The following MEI4 variants were observed in gnomAD, a reference collection of about 807,000 sequenced individuals.
The protein encoded by MEI4 is meiosis-specific protein MEI4.
MEI4 carries 27 observed loss-of-function variants against 31.4 expected under a neutral mutation model. The ratio of observed to expected loss-of-function variants is 0.86; its 90% CI spans 0.63 to 1.19. The LOEUF is 1.19. MEI4 is among the 50% of genes most tolerant of loss of function. The pLI is 0.00. For synonymous variants in MEI4, 122 were observed against 145.4 expected (o/e 0.84, Z 1.16); for missense variants, 329 against 398.9 (o/e 0.82, Z 1.49).
intron 4 of MEI4, among the ~76,000 whole-genome samples, chr6:77,911,580 CATTA>C (rs1269565825): frequency 1.3e-5 from 2 of 151,798 alleles, no homozygotes; most frequent in Non-Finnish European, 2.9e-5. Context: ...TCTGTTCCTG[CATTA>C]ATTAATTTGC....
chr6:77,677,804 T>A (rs1348035034), intron 1 of MEI4, among the ~76,000 whole-genome samples: 2 of 152,222 alleles, frequency 1.3e-5, no homozygotes, highest in East Asian at 3.8e-4. Flanking sequence ...GTTTTTATTA[T>A]AAGAATATCT....
chr6:77,844,196 C>T (rs1770426058), intron 4 of MEI4, among the ~76,000 whole-genome samples: 1 of 152,060 alleles, frequency 6.6e-6, no homozygotes, highest in Non-Finnish European at 1.5e-5. Flanking sequence ...ATTAGAATGA[C>T]TCATGAATCT....
chr6:77,652,843 A>G (rs1280894396), upstream of MEI4, among the ~76,000 whole-genome samples: 1 of 152,194 alleles, frequency 6.6e-6, no homozygotes, highest in Non-Finnish European at 1.5e-5. Flanking sequence ...ACATCAAACA[A>G]CTGACTACAT....
rs1368782699 is a variant in MEI4, at chr6:77,761,465, T to C, written c.568T>C (p.Leu190=). The C allele has an allele frequency of 4.1e-6, 5 of 1,232,038 alleles. No homozygotes were observed. The African/African-American group carries it at 6.2e-5, about 15-fold the overall frequency. The allele number at this position is 1,232,038 out of a possible 1,614,324, so 76.3% of individuals were successfully genotyped here. A position where few individuals can be genotyped will look rare whatever the true frequency, so the allele number is the denominator to read the frequency against. ...CACAGTCTCTGATTCTGTTTTTCAA[T>C]TGCTGGATGGCCTGATCACTTTTTA... ...SSTVSDSVFQ[L]LDGLITFYRN... is the part of the protein sequence containing the mutation. The change falls in exon 3 of 5, where the codon TTG becomes CTG. Residue 190 remains leucine (L), a synonymous_variant. Coordinates refer to ENST00000684080, the MANE Select transcript of MEI4 (RefSeq NM_001322247.2).
intron 4 of MEI4, among the ~76,000 whole-genome samples, chr6:77,872,945 G>A (rs1771234972): frequency 1.3e-5 from 2 of 151,262 alleles, no homozygotes; most frequent in South Asian, 2.1e-4. Context: ...ATTCCATGGT[G>A]TATATGTGCC....
At chr6:77,791,124 C>T (rs545281303) in intron 3 of MEI4, among the ~76,000 whole-genome samples, 4 of 152,028 alleles carry the variant, frequency 2.6e-5, no homozygotes, top group Admixed American at 1.3e-4. Flanking sequence ...GTCAGTGTGG[C>T]GATTCCTCAG....
At chr6:77,915,055 A>G (rs532771419) in intron 4 of MEI4, among the ~76,000 whole-genome samples, 1 of 152,084 alleles carries the variant, frequency 6.6e-6, no homozygotes, top group South Asian at 2.1e-4. Context: ...TTTATATTCA[A>G]GGTTGTTATT....
intron 2 of MEI4, among the ~76,000 whole-genome samples, chr6:77,739,873 TTC>T (rs1305913730): frequency 6.6e-6 from 1 of 152,216 alleles, no homozygotes; most frequent in African/African-American, 2.4e-5. Context: ...GGTTCTCTAA[TTC>T]TGTTAGTTTT....
rs1394390676 is a variant in MEI4 at position 77,926,989 on chromosome 6, A to C, written c.*3643A>C. The C allele has an allele frequency of 6.6e-6, 1 of 151,866 alleles. No homozygotes were observed. Among genetic ancestry groups the C allele is most frequent in the African/African-American group, 2.4e-5 (1 of 41,428 alleles). The allele number at this position is 151,866 out of a possible 1,614,324, so 9.4% of individuals were successfully genotyped here. A position where few individuals can be genotyped will look rare whatever the true frequency, so the allele number is the denominator to read the frequency against. On this transcript the variant is annotated 3_prime_UTR_variant, in exon 5 of 5. Coordinates refer to ENST00000684080, the MANE Select transcript of MEI4 (RefSeq NM_001322247.2). The stretch of plus-strand genomic sequence containing the variant: ...TACTGGTCTTGTAAGAACTTTCTAA[A>C]TATTACAGAGTATTACAAACATAAA...
intron 2 of MEI4, among the ~76,000 whole-genome samples, chr6:77,746,776 AAGAG>A (rs1208776635): frequency 2.6e-5 from 4 of 151,980 alleles, no homozygotes; most frequent in Non-Finnish European, 5.9e-5. Context: ...TGGAGGGTAA[AAGAG>A]AGAAAGGAGC....
At chr6:77,804,109 G>T (rs894325075) in intron 3 of MEI4, among the ~76,000 whole-genome samples, 16 of 152,184 alleles carry the variant, frequency 1.1e-4, no homozygotes, top group Non-Finnish European at 1.9e-4. Context: ...TTGAGGTGCG[G>T]TGGGCTCCAC....
chr6:77,734,287 C>T (rs1029115009), intron 2 of MEI4, among the ~76,000 whole-genome samples: 7 of 151,382 alleles, frequency 4.6e-5, no homozygotes, highest in Non-Finnish European at 7.3e-5. Context: ...TCACTCAGGG[C>T]TTGCTTTATG....
chr6:77,926,166 T>C lies in MEI4; in HGVS notation c.*2820T>C, dbSNP rs1283877906. 1.3e-5 allele frequency: 2 copies of C among 151,998 alleles called. No homozygotes were observed. Among genetic ancestry groups the C allele is most frequent in the Non-Finnish European group, 2.9e-5 (2 of 67,956 alleles). The allele number at this position is 151,998 out of a possible 1,614,324, so 9.4% of individuals were successfully genotyped here. A position where few individuals can be genotyped will look rare whatever the true frequency, so the allele number is the denominator to read the frequency against. ...AAACACAGCTTCTTTGCAATTGTCA[T>C]CAAAGCTTTATACATGCTTAACTAT... On this transcript the variant is annotated 3_prime_UTR_variant, in exon 5 of 5. Transcript: ENST00000684080.
At chr6:77,814,526 A>G (rs903748967) in intron 3 of MEI4, among the ~76,000 whole-genome samples, 10 of 152,128 alleles carry the variant, frequency 6.6e-5, no homozygotes, top group African/African-American at 2.2e-4. Context: ...CTTGGAAGGA[A>G]TAAAAACTCA....
intron 2 of MEI4, among the ~76,000 whole-genome samples, chr6:77,709,771 T>C (rs530568704): frequency 2.5e-4 from 38 of 152,362 alleles, no homozygotes; most frequent in South Asian, 2.5e-3. Flanking sequence ...ACAAATTATA[T>C]GGCATTTTGC....
intron 3 of MEI4, among the ~76,000 whole-genome samples, chr6:77,813,384 A>G (rs560148542): frequency 2.6e-5 from 4 of 152,168 alleles, no homozygotes; most frequent in Admixed American, 6.6e-5. Context: ...ACACATATAT[A>G]CAAACCTACC....
At chr6:77,873,623 T>C (rs1216307503) in intron 4 of MEI4, among the ~76,000 whole-genome samples, 1 of 152,244 alleles carries the variant, frequency 6.6e-6, no homozygotes. Flanking sequence ...ATCCCATTTG[T>C]CAATTTTGGC....
chr6:77,778,050 G>T (rs1024328385), intron 3 of MEI4, among the ~76,000 whole-genome samples: 1 of 150,018 alleles, frequency 6.7e-6, no homozygotes, highest in Non-Finnish European at 1.5e-5. Context: ...TGGCTTGGCT[G>T]TGTGTAGTTT....
intron 2 of MEI4, among the ~76,000 whole-genome samples, chr6:77,692,460 A>G (rs562478721): frequency 1.3e-5 from 2 of 152,172 alleles, no homozygotes; most frequent in South Asian, 4.1e-4. Context: ...TCAATGAAAG[A>G]GGAACATAGA....
Sources: allele counts gnomAD v4.1 joint callset (sites outside exome capture counted in the v4.1 genomes callset), GRCh38; gene constraint gnomAD v4.1.1; transcripts MANE v1.5; gene names NCBI Gene and HGNC (gene_info 2026-07-23, HGNC 2026-07-21).